Variants in PLXNA2 observed in about 807,000 individuals in gnomAD.
The protein encoded by PLXNA2 is plexin A2.
A neutral mutation model predicts 193.5 loss-of-function variants in PLXNA2; 91 were observed. The ratio of observed to expected loss-of-function variants is 0.47; its 90% confidence interval spans 0.40 to 0.56. The LOEUF (loss-of-function observed/expected upper bound fraction) is 0.56. PLXNA2 is among the 20% of genes least tolerant of loss of function. PLXNA2 has a pLI of 0.00. For synonymous variants in PLXNA2, 997 were observed against 1,027.3 expected (o/e 0.97, Z 0.56); for missense variants, 1,995 against 2,503.2 (o/e 0.80, Z 4.33).
chr1:208,041,612 G>A (rs74152126), intron 22 of PLXNA2, among the ~76,000 whole-genome samples: 4,287 of 152,294 alleles, frequency 0.028, 182 homozygotes, highest in African/African-American at 0.098. Context: ...CTTAGAAAGC[G>A]GCTAGGTGCT....
chr1:208,212,908 C>A (rs1476565436), intron 2 of PLXNA2, among the ~76,000 whole-genome samples: 1 of 152,166 alleles, frequency 6.6e-6, no homozygotes, highest in Non-Finnish European at 1.5e-5. Flanking sequence ...ATGTCATGTA[C>A]CATGTCTCAG....
rs191939553 is a variant in PLXNA2 at position 208,092,914 on chromosome 1, G to A, written c.1983-14C>T. On this transcript the variant is annotated splice_polypyrimidine_tract_variant and intron_variant, in intron 8 of 31. Coordinates refer to ENST00000367033, the MANE Select transcript of PLXNA2 (RefSeq NM_025179.4). ...CAGGACAGGCACCTGCAAGGACAGA[G>A]ATGGTGAGAGGCAAAGAGAAGAGAA... is the stretch of plus-strand genomic sequence containing the variant. 5.0e-5 allele frequency: 78 copies of A among 1,573,572 alleles called. No homozygotes were observed. In the African/African-American group the frequency reaches 9.4e-4, roughly 19 times the overall value.
chr1:208,050,350 C>T (rs1406178854), intron 17 of PLXNA2, among the ~76,000 whole-genome samples: 4 of 152,204 alleles, frequency 2.6e-5, no homozygotes, highest in African/African-American at 9.7e-5. Context: ...TGCTTCCTCT[C>T]CAGACATGTC....
At chr1:208,084,240 T>G in intron 10 of PLXNA2, 140 bp downstream of exon 10, 1 of 840,024 alleles carries the variant, frequency 1.2e-6, no homozygotes, top group Non-Finnish European at 1.9e-6. Context: ...GGGTGCTGGC[T>G]GGCTCCTGCA....
At position 208,229,437 on chromosome 1, in the gene PLXNA2, C is replaced by T. The variant is rs143453172; in HGVS notation, c.-80-11435G>A. Among the ~76,000 whole-genome samples, 35 of 152,250 alleles carry T rather than the reference C, an allele frequency of 2.3e-4. No individual in the cohort carries two copies. In the East Asian group the frequency reaches 6.6e-3, roughly 29 times the overall value. ...TCAGCCTGAATTGTCAAGAGCAGCG[C>T]GAGGGGGTGCCCAGGTGTGCTCATT... On this transcript the variant is annotated intron_variant, in intron 1 of 31. Transcript: ENST00000367033.
chr1:208,110,835 A>C (rs1667442161), intron 4 of PLXNA2, among the ~76,000 whole-genome samples: 1 of 152,184 alleles, frequency 6.6e-6, no homozygotes. Context: ...CACCGGGGCC[A>C]TTCTTCTTCC....
At chr1:208,129,555 T>C (rs1438773652) in intron 4 of PLXNA2, among the ~76,000 whole-genome samples, 4 of 152,234 alleles carry the variant, frequency 2.6e-5, no homozygotes, top group African/African-American at 9.6e-5. Flanking sequence ...AAATAGTCCT[T>C]GAATATACCA....
chr1:208,132,241 G>T (rs1234168083), intron 4 of PLXNA2, among the ~76,000 whole-genome samples: 1 of 152,174 alleles, frequency 6.6e-6, no homozygotes, highest in Non-Finnish European at 1.5e-5. Context: ...TGTCAAATGA[G>T]GAGTTACTGA....
At chr1:208,239,241 G>A (rs543470996) in intron 1 of PLXNA2, among the ~76,000 whole-genome samples, 60 of 151,580 alleles carry the variant, frequency 4.0e-4, no homozygotes, top group African/African-American at 1.3e-3. Flanking sequence ...CTGCTACTTC[G>A]GCTTCTCAGT....
chr1:208,159,766 G>A (rs184514783), intron 3 of PLXNA2, among the ~76,000 whole-genome samples: 2 of 152,348 alleles, frequency 1.3e-5, no homozygotes, highest in Admixed American at 6.5e-5. Context: ...ACTCAAAGCC[G>A]TAAGATTATT....
In PLXNA2 at chr1:208,079,424, G is replaced by C; in HGVS notation, c.2422C>G (p.Arg808Gly). Residue 808 changes from arginine to glycine, a missense_variant, in exon 12 of 32, where the codon CGG becomes GGG. Coordinates refer to ENST00000367033, the MANE Select transcript of PLXNA2 (RefSeq NM_025179.4). The stretch of plus-strand genomic sequence containing the variant: ...TTGAGGCAGAGGCCGCAGCTCTCCC[G>C]CTGGGCTGCACACTTGTAGAGATGG... ...KVHLYKCAAQ[R>G]ESCGLCLKAD... is the part of the protein sequence containing the mutation. The C allele has an allele frequency of 6.2e-7, 1 of 1,607,390 alleles. No homozygotes were observed. Among genetic ancestry groups the C allele is most frequent in the South Asian group, 1.1e-5 (1 of 89,932 alleles).
Position 208,024,814 on chromosome 1 carries a change from T to C in PLXNA2, c.*2429A>G, listed in dbSNP as rs946973244. On this transcript the variant is annotated 3_prime_UTR_variant, in exon 32 of 32. Transcript: ENST00000367033. The stretch of plus-strand genomic sequence containing the variant: ...GCCTGGATGCCAGTCTGAGCAGCCA[T>C]GCGGCCAGAAAATCTTCACCCAAAC... 1 of 152,230 alleles carries C rather than the reference T, an allele frequency of 6.6e-6. No homozygotes were observed. The highest frequency in any genetic ancestry group is 1.9e-4 in the East Asian group (1 of 5,198). The allele number at this position is 152,230 out of a possible 1,614,324, so 9.4% of individuals were successfully genotyped here.
intron 12 of PLXNA2, among the ~76,000 whole-genome samples, chr1:208,066,430 C>T (rs1046168239): frequency 1.3e-5 from 2 of 152,154 alleles, no homozygotes; most frequent in African/African-American, 2.4e-5. Flanking sequence ...TGCATATTGA[C>T]GTTTTGGTCA....
intron 4 of PLXNA2, among the ~76,000 whole-genome samples, chr1:208,129,453 C>G (rs1425247858): frequency 1.3e-5 from 2 of 152,192 alleles, no homozygotes; most frequent in Non-Finnish European, 2.9e-5. Context: ...TTGAGCCCCC[C>G]TGAAGGCTGC....
Position 208,028,056 on chromosome 1 carries a change from T to C in PLXNA2, c.5542A>G (p.Ser1848Gly), listed in dbSNP as rs1156447113. Residue 1848 changes from serine to glycine, a missense_variant, in exon 31 of 32, where the codon AGT (serine) becomes GGT (glycine). By Grantham distance (56) the Ser-to-Gly change is moderately conservative. This residue lies in a region of PLXNA2 where 1,291 missense variants were observed against 1,673.6 expected (regional missense o/e 0.77). Coordinates refer to ENST00000367033, the MANE Select transcript of PLXNA2 (RefSeq NM_025179.4). This position sits in a 1 kb window ranked among gnomAD's most constrained non-coding sequence, Gnocchi z 4.2. ...TAGGAGTAGATCTCATTGAGGGCAC[T>C]CAGCATGTTGAACTCCACGGCGTGC... ...RLHAVEFNML[S>G]ALNEIYSYVS... The C allele has an allele frequency of 6.2e-7, 1 of 1,613,182 alleles. No homozygotes were observed. The highest frequency in any genetic ancestry group is 8.5e-7 in the Non-Finnish European group (1 of 1,179,584).
chr1:208,215,773 T>C (rs1572041459), intron 2 of PLXNA2, among the ~76,000 whole-genome samples: 1 of 152,000 alleles, frequency 6.6e-6, no homozygotes, highest in African/African-American at 2.4e-5. Flanking sequence ...GAATGGATGA[T>C]TGGATGGTTG....
chr1:208,192,926 C>T (rs1474460872), intron 3 of PLXNA2, among the ~76,000 whole-genome samples: 1 of 149,594 alleles, frequency 6.7e-6, no homozygotes, highest in Non-Finnish European at 1.5e-5. Flanking sequence ...AACCATTAGA[C>T]AAAGGGTCTT....
At position 208,052,480 on chromosome 1, in the gene PLXNA2, A is replaced by C; in HGVS notation, c.2857-17T>G. On this transcript the variant is annotated splice_polypyrimidine_tract_variant and intron_variant, in intron 14 of 31. Coordinates refer to ENST00000367033, the MANE Select transcript of PLXNA2 (RefSeq NM_025179.4). Reference sequence around the variant, plus strand: ...AGAAGGGTTCTTTGGAAAGAAGCAGAGAAATGACTACAGCTTAGGTTTTCT... The same window carrying C: ...AGAAGGGTTCTTTGGAAAGAAGCAGCGAAATGACTACAGCTTAGGTTTTCT... The C allele has an allele frequency of 6.2e-7, 1 of 1,613,670 alleles. No individual in the cohort carries two copies. The highest frequency in any genetic ancestry group is 8.5e-7 in the Non-Finnish European group (1 of 1,179,682).
At chr1:208,048,289 G>A (rs987613233) in intron 17 of PLXNA2, among the ~76,000 whole-genome samples, 2 of 152,228 alleles carry the variant, frequency 1.3e-5, no homozygotes, top group African/African-American at 4.8e-5. Context: ...AAGATGAGGG[G>A]TAGGCCCAGG....
Sources: gnomAD v4.1 joint callset for allele counts (sites outside exome capture counted in the v4.1 genomes callset) on GRCh38, gnomAD v4.1.1 for gene constraint, gnomAD v4.1.1 regional missense constraint, Gnocchi (gnomAD v3.1) non-coding constraint, MANE v1.5 for transcripts, NCBI Gene and HGNC (gene_info 2026-07-23, HGNC 2026-07-21) for gene names.